Variants in CDH22 observed in about 807,000 individuals in gnomAD.
The protein encoded by CDH22 is cadherin 22.
In CDH22, 30 loss-of-function variants were observed where a neutral mutation model predicts 58.4. The observed-to-expected ratio is 0.51, with a 90% CI of 0.38 to 0.70. The LOEUF (loss-of-function observed/expected upper bound fraction) is 0.70, where lower values mean the gene tolerates loss of function less well. CDH22 is among the 30% of genes least tolerant of loss of function. The pLI, the probability that CDH22 is intolerant of heterozygous loss-of-function variation, is 0.00. For missense variants in CDH22, 1,014 were observed against 1,233.9 expected (o/e 0.82, Z 2.67); for synonymous variants, 513 against 558.2 (o/e 0.92, Z 1.14).
At chr20:46,175,289 G>T (rs1033933404) in intron 11 of CDH22, among the ~76,000 whole-genome samples, 1 of 152,184 alleles carries the variant, frequency 6.6e-6, no homozygotes, top group Non-Finnish European at 1.5e-5. Flanking sequence ...CATCTCGGGA[G>T]GTATGCAAAT....
At chr20:46,179,503 G>A (rs2085769587) in intron 10 of CDH22, among the ~76,000 whole-genome samples, 1 of 152,216 alleles carries the variant, frequency 6.6e-6, no homozygotes, top group South Asian at 2.1e-4. Context: ...CATCTCAGAA[G>A]TGGACTGCAG....
At chr20:46,199,224 C>G (rs1008513454) in intron 8 of CDH22, among the ~76,000 whole-genome samples, 199 bp downstream of exon 8, 1 of 152,240 alleles carries the variant, frequency 6.6e-6, no homozygotes, top group African/African-American at 2.4e-5. Flanking sequence ...CACCCATCAG[C>G]TTTTGCCCTC....
intron 1 of CDH22, among the ~76,000 whole-genome samples, chr20:46,281,365 C>G (rs926069213): frequency 6.6e-6 from 1 of 152,158 alleles, no homozygotes; most frequent in Admixed American, 6.5e-5. Flanking sequence ...AGTAGAGTGG[C>G]TGGACTGGAT....
chr20:46,265,965 C>G (rs1053562663), intron 1 of CDH22, among the ~76,000 whole-genome samples: 5 of 152,006 alleles, frequency 3.3e-5, no homozygotes, highest in Non-Finnish European at 7.4e-5. Context: ...CACACACACA[C>G]ACACACATTG....
Position 46,230,416 on chromosome 20 carries a change from C to T in CDH22, c.551-2789G>A, listed in dbSNP as rs554493029. 3.9e-5 allele frequency among the ~76,000 whole-genome samples: 6 copies of T among 152,130 alleles called. No homozygotes were observed. The South Asian group carries it at 1.2e-3, about 32-fold the overall frequency. ...AGCTACCAACATGATATCAACTGGC[C>T]CACAAAACTCCTGAAAATCAACATG... On this transcript the variant is annotated intron_variant, in intron 3 of 11. Transcript: ENST00000537909.
intron 1 of CDH22, among the ~76,000 whole-genome samples, chr20:46,291,141 G>A (rs565431452): frequency 2.6e-5 from 4 of 152,196 alleles, no homozygotes; most frequent in Non-Finnish European, 5.9e-5. Context: ...GCTGGATGTG[G>A]TGGCATGTGC....
At chr20:46,301,955 C>G (rs1411454696) in intron 1 of CDH22, among the ~76,000 whole-genome samples, 1 of 152,222 alleles carries the variant, frequency 6.6e-6, no homozygotes, top group African/African-American at 2.4e-5. Context: ...GAGGTCCCCA[C>G]CAGCGGGTGC....
At chr20:46,255,073 G>A (rs1303478018) in intron 1 of CDH22, among the ~76,000 whole-genome samples, 15 of 152,150 alleles carry the variant, frequency 9.9e-5, no homozygotes, top group Admixed American at 8.5e-4. Context: ...CCAGGCTGGA[G>A]TGCAGTGGCG....
At chr20:46,302,332 C>G (rs948804608) in intron 1 of CDH22, among the ~76,000 whole-genome samples, 2 of 152,108 alleles carry the variant, frequency 1.3e-5, no homozygotes, top group Non-Finnish European at 2.9e-5. Context: ...TCCCTGGCCT[C>G]TACCCATCAG....
rs148237893 is a variant in CDH22, at chr20:46,224,587, C to T, written c.670+2921G>A. ...ATGGTTAAAGCTGAATTTTTTAGCT[C>T]TGCATCAGATTCCAGGGCACATTCA... is the stretch of plus-strand genomic sequence containing the variant. On this transcript the variant is annotated intron_variant, in intron 4 of 11. Transcript: ENST00000537909. Among the ~76,000 whole-genome samples the T allele has an allele frequency of 4.6e-5, 7 of 152,330 alleles. No individual in the cohort carries two copies. The East Asian group carries it at 1.2e-3, about 25-fold the overall frequency.
chr20:46,258,135 G>A (rs1600719063), intron 1 of CDH22, among the ~76,000 whole-genome samples: 1 of 152,152 alleles, frequency 6.6e-6, no homozygotes, highest in Non-Finnish European at 1.5e-5. Flanking sequence ...TGGGGCGGAG[G>A]TCATTAGTGA....
chr20:46,240,178 G>A (rs554615808), intron 3 of CDH22, among the ~76,000 whole-genome samples: 6 of 152,172 alleles, frequency 3.9e-5, no homozygotes, highest in Non-Finnish European at 7.4e-5. Context: ...TCATCTGCCT[G>A]TGCCCATGCC....
intron 1 of CDH22, among the ~76,000 whole-genome samples, chr20:46,295,552 A>G (rs2145780776): frequency 6.6e-6 from 1 of 152,298 alleles, no homozygotes; most frequent in East Asian, 1.9e-4. Flanking sequence ...CAGATGGGGA[A>G]ACTGAGGTGG....
At chr20:46,191,668 C>T (rs1387920694) in intron 8 of CDH22, among the ~76,000 whole-genome samples, 1 of 152,142 alleles carries the variant, frequency 6.6e-6, no homozygotes, top group Middle Eastern at 3.2e-3. Flanking sequence ...AAAACTTGCC[C>T]AAAGTCTCAT....
At chr20:46,279,946 C>A (rs1056041076) in intron 1 of CDH22, among the ~76,000 whole-genome samples, 1 of 152,100 alleles carries the variant, frequency 6.6e-6, no homozygotes, top group Non-Finnish European at 1.5e-5. Flanking sequence ...TCCATCCTCC[C>A]AACAAGACTT....
At chr20:46,257,891 A>G (rs2086414296) in intron 1 of CDH22, among the ~76,000 whole-genome samples, 1 of 152,184 alleles carries the variant, frequency 6.6e-6, no homozygotes, top group Non-Finnish European at 1.5e-5. Context: ...CAAGAGACTG[A>G]CAGAGAGAAG....
chr20:46,246,758 C>T (rs555745954), intron 2 of CDH22, among the ~76,000 whole-genome samples: 95 of 152,176 alleles, frequency 6.2e-4, no homozygotes, highest in Non-Finnish European at 6.0e-4. Flanking sequence ...GTTCACTCTG[C>T]GGATGGTGCT....
chr20:46,301,569 G>C (rs548451939), intron 1 of CDH22, among the ~76,000 whole-genome samples: 32 of 152,000 alleles, frequency 2.1e-4, no homozygotes, highest in South Asian at 1.2e-3. Context: ...CCAGCACTTT[G>C]GGAGGCCAAG....
chr20:46,192,137 C>G (rs961604607), intron 8 of CDH22, among the ~76,000 whole-genome samples: 4 of 152,222 alleles, frequency 2.6e-5, no homozygotes, highest in Middle Eastern at 3.2e-3. Flanking sequence ...CATCCTCTAT[C>G]TCCTCCCCTA....
Sources: gnomAD v4.1 joint callset for allele counts (sites outside exome capture counted in the v4.1 genomes callset) on GRCh38, gnomAD v4.1.1 for gene constraint, MANE v1.5 for transcripts, NCBI Gene and HGNC (gene_info 2026-07-23, HGNC 2026-07-21) for gene names.